Variants in EPM2A observed in about 807,000 individuals in gnomAD.
The protein encoded by EPM2A is laforin.
A neutral mutation model predicts 26.5 loss-of-function variants in EPM2A; 21 were observed. The ratio of observed to expected loss-of-function variants is 0.79; its 90% CI spans 0.56 to 1.14. The LOEUF is 1.14. EPM2A is among the 50% of genes most tolerant of loss of function. The probability of loss-of-function intolerance (pLI) is 0.00; values close to 1 mark genes in which losing one functional copy is unlikely to be tolerated. For synonymous variants in EPM2A, 217 were observed against 177.6 expected (o/e 1.22, Z -1.76); for missense variants, 458 against 440.8 (o/e 1.04, Z -0.35).
intron 2 of EPM2A, chr6:145,638,557 G>A (rs1055699986): frequency 4.6e-5 from 7 of 152,124 alleles, no homozygotes; most frequent in Admixed American, 6.5e-5. Flanking sequence ...CAGACATGGT[G>A]GAAGTCAGAG....
intron 2 of EPM2A, among the ~76,000 whole-genome samples, chr6:145,588,458 C>T (rs903699104): frequency 2.0e-5 from 3 of 152,136 alleles, no homozygotes; most frequent in Admixed American, 6.5e-5. Flanking sequence ...GAAAACCTGA[C>T]TCCAATTTTC....
At chr6:145,601,711 G>A (rs1781418834) in intron 2 of EPM2A, among the ~76,000 whole-genome samples, 1 of 152,134 alleles carries the variant, frequency 6.6e-6, no homozygotes, top group Non-Finnish European at 1.5e-5. Context: ...CTTCTGTGTG[G>A]CTAATATGCA....
At chr6:145,652,702 A>G (rs9497382) in intron 2 of EPM2A, among the ~76,000 whole-genome samples, 2,253 of 151,910 alleles carry the variant, frequency 0.015, 46 homozygotes, top group African/African-American at 0.05. Flanking sequence ...TTTCATGGGT[A>G]CATGAACTTC....
chr6:145,619,339 C>T (rs1775581832), intron 2 of EPM2A, among the ~76,000 whole-genome samples: 1 of 152,192 alleles, frequency 6.6e-6, no homozygotes, highest in African/African-American at 2.4e-5. Flanking sequence ...CACACTACTC[C>T]TCCTGACATC....
rs373471488 is a variant in EPM2A at position 145,610,192 on chromosome 6, C to T, written c.340+25053G>A. 6.8e-5 allele frequency among the ~76,000 whole-genome samples: 10 copies of T among 148,032 alleles called. No homozygotes were observed. In the South Asian group the frequency reaches 1.5e-3, roughly 22 times the overall value. On this transcript the variant is annotated intron_variant, in intron 2 of 3. Transcript: ENST00000450221. ...TCGTGCCACTGCACTCCAGCCTGGG[C>T]GACAGAGCAAGACTCCGTCTCAAAA...
At chr6:145,423,195 T>G (rs1778811659) in intron 4 of EPM2A, among the ~76,000 whole-genome samples, 1 of 152,182 alleles carries the variant, frequency 6.6e-6, no homozygotes, top group Admixed American at 6.5e-5. Flanking sequence ...TTTTTCAACC[T>G]TGATATAAAC....
chr6:145,385,555 A>G (rs1778248726), intron 4 of EPM2A, among the ~76,000 whole-genome samples: 1 of 152,156 alleles, frequency 6.6e-6, no homozygotes, highest in Non-Finnish European at 1.5e-5. Flanking sequence ...TACATAGCAA[A>G]TACTGCCAAA....
chr6:145,687,081 G>A (rs1186905183), intron 1 of EPM2A: 2 of 152,170 alleles, frequency 1.3e-5, no homozygotes, highest in African/African-American at 4.8e-5. Context: ...TACACTAGTT[G>A]CTATGGTATG....
intron 2 of EPM2A, among the ~76,000 whole-genome samples, chr6:145,516,192 CA>C (rs1407383402): frequency 2.0e-5 from 3 of 152,160 alleles, no homozygotes; most frequent in Non-Finnish European, 4.4e-5. Flanking sequence ...ATTAACTCAA[CA>C]TATGGATAGA....
intron 4 of EPM2A, among the ~76,000 whole-genome samples, chr6:145,411,282 T>C (rs768223037): frequency 1.3e-5 from 2 of 152,228 alleles, no homozygotes; most frequent in Non-Finnish European, 2.9e-5. Context: ...CATTCCCTAA[T>C]AAGTTTATTT....
intron 3 of EPM2A, chr6:145,629,416 T>C (rs1299018183): frequency 6.6e-6 from 1 of 152,200 alleles, no homozygotes. Flanking sequence ...GGTGCCCTCC[T>C]AGAGGCACTA....
intron 2 of EPM2A, among the ~76,000 whole-genome samples, chr6:145,618,299 C>A (rs1490556362): frequency 6.6e-6 from 1 of 152,106 alleles, no homozygotes; most frequent in African/African-American, 2.4e-5. Flanking sequence ...GATTGTTGAA[C>A]CTTTAAGCAA....
chr6:145,489,508 T>G (rs990874657), intron 4 of EPM2A: 2 of 581,634 alleles, frequency 3.4e-6, no homozygotes, highest in African/African-American at 3.7e-5. Flanking sequence ...CAAAAACAAT[T>G]CAGCACAACA....
At chr6:145,642,891 A>G (rs1017702763) in intron 2 of EPM2A, among the ~76,000 whole-genome samples, 7 of 152,232 alleles carry the variant, frequency 4.6e-5, no homozygotes, top group Admixed American at 2.6e-4. Context: ...TATAAAAGCA[A>G]TGAAAAACCA....
At chr6:145,553,066 T>C (rs1780677258) in intron 2 of EPM2A, among the ~76,000 whole-genome samples, 1 of 152,044 alleles carries the variant, frequency 6.6e-6, no homozygotes, top group Non-Finnish European at 1.5e-5. Context: ...ATGGAGGTAA[T>C]TGAATCATGA....
At chr6:145,668,741 T>A (rs1779423747) in intron 2 of EPM2A, among the ~76,000 whole-genome samples, 1 of 152,186 alleles carries the variant, frequency 6.6e-6, no homozygotes, top group Non-Finnish European at 1.5e-5. Flanking sequence ...CTGTGTGAGA[T>A]GACTTTTCCC....
chr6:145,443,801 T>C (rs1157432045), intron 4 of EPM2A, among the ~76,000 whole-genome samples: 1 of 152,124 alleles, frequency 6.6e-6, no homozygotes, highest in Non-Finnish European at 1.5e-5. Flanking sequence ...GTATTTCCCA[T>C]GGTGTCTCGT....
chr6:145,660,600 G>A (rs912206636), intron 2 of EPM2A, among the ~76,000 whole-genome samples: 11 of 152,104 alleles, frequency 7.2e-5, no homozygotes, highest in Admixed American at 5.9e-4. Context: ...TCAGGAATTC[G>A]AGACCAGCCT....
intron 2 of EPM2A, among the ~76,000 whole-genome samples, chr6:145,675,590 G>A (rs560057649): frequency 6.6e-6 from 1 of 152,222 alleles, no homozygotes; most frequent in South Asian, 2.1e-4. Context: ...GATGGAGGAA[G>A]ATCTACCAAG....
Sources: allele counts gnomAD v4.1 joint callset (sites outside exome capture counted in the v4.1 genomes callset), GRCh38; gene constraint gnomAD v4.1.1; transcripts MANE v1.5; gene names NCBI Gene and HGNC (gene_info 2026-07-23, HGNC 2026-07-21).